Variants in C9orf72 observed in about 807,000 individuals in gnomAD.
C9orf72 encodes the protein guanine nucleotide exchange factor C9orf72.
C9orf72 carries 44 observed loss-of-function variants against 51.6 expected under a neutral mutation model. The ratio of observed to expected loss-of-function variants is 0.85; its 90% CI spans 0.67 to 1.10. C9orf72 has a LOEUF of 1.10. C9orf72 is among the 50% of genes least tolerant of loss of function. The probability of loss-of-function intolerance (pLI) is 0.00; values close to 1 mark genes in which losing one functional copy is unlikely to be tolerated. For synonymous variants in C9orf72, 213 were observed against 194.2 expected, an observed-to-expected ratio of 1.10 and a Z score of -0.81; for missense variants, 607 against 570.6, an observed-to-expected ratio of 1.06 and a Z score of -0.65.
At chr9:27,572,364 G>A (rs563356920) in intron 1 of C9orf72, among the ~76,000 whole-genome samples, 29 of 152,168 alleles carry the variant, frequency 1.9e-4, no homozygotes, top group African/African-American at 5.5e-4. Context: ...CTGACTCCAG[G>A]TTATTAATAT....
chr9:27,548,308 G>A lies in C9orf72; in HGVS notation c.1374C>T (p.Gly458=). The A allele has an allele frequency of 6.2e-7, 1 of 1,612,590 alleles. No homozygotes were observed. Among genetic ancestry groups the A allele is most frequent in the Non-Finnish European group, 8.5e-7 (1 of 1,179,118 alleles). ...GTCTTCCAAAGATAAAAGAGTGTAGGCCTGGTTTAATTTTCTCAGCCAGAG... is the reference window on the plus strand; with the variant it reads ...GTCTTCCAAAGATAAAAGAGTGTAGACCTGGTTTAATTTTCTCAGCCAGAG... ...IMALAEKIKP[G]LHSFIFGRPF... Residue 458 remains glycine, a synonymous_variant, in exon 11 of 11, where the codon GGC becomes GGT. Coordinates refer to ENST00000380003, the MANE Select transcript of C9orf72 (RefSeq NM_018325.5).
At chr9:27,558,759 C>T (rs1001825362) in intron 6 of C9orf72, 152 bp from the exon 7 acceptor site, 2 of 516,470 alleles carry the variant, frequency 3.9e-6, no homozygotes, top group African/African-American at 4.0e-5. Flanking sequence ...TGGGATGTAA[C>T]AGTTGTTGCT....
At chr9:27,572,963 T>C (rs1819620725) in intron 1 of C9orf72, among the ~76,000 whole-genome samples, 1 of 152,156 alleles carries the variant, frequency 6.6e-6, no homozygotes. Flanking sequence ...CACCCCCATC[T>C]CATCCCGCAT....
intron 9 of C9orf72, among the ~76,000 whole-genome samples, chr9:27,548,906 G>A (rs1820843682): frequency 6.6e-6 from 1 of 151,288 alleles, no homozygotes; most frequent in Non-Finnish European, 1.5e-5. Context: ...GTGCAGTGGC[G>A]CGATCTTGAC....
rs965154707 is a variant in C9orf72 at position 27,565,538 on chromosome 9, T to C, written c.497A>G (p.Glu166Gly). The C allele has an allele frequency of 1.2e-6, 2 of 1,600,058 alleles. No individual in the cohort carries two copies. Among genetic ancestry groups the C allele is most frequent in the Non-Finnish European group, 1.7e-6 (2 of 1,169,102 alleles). ...KIILEGTERM[E>G]DQGQSIIPML... ...TATGCAATTTGCATATACCTGATCT[T>C]CCATTCTCTCTGTGCCTTCTAAGAT... Residue 166 changes from glutamate to glycine, a missense_variant, in exon 3 of 11, where the codon GAA becomes GGA. Physicochemically the swap from Glu to Gly is moderately conservative, Grantham distance 98. Transcript: ENST00000380003.
chr9:27,566,860 C>T lies in C9orf72; in HGVS notation c.261G>A (p.Leu87=), dbSNP rs748399586. The T allele has an allele frequency of 1.9e-6, 3 of 1,613,954 alleles. No homozygotes were observed. Among genetic ancestry groups the T allele is most frequent in the Admixed American group, 1.7e-5 (1 of 59,986 alleles). The stretch of plus-strand genomic sequence containing the variant: ...AAACAATAATCACTCCCTTTTCAGA[C>T]AAGACAAAAAACTTTACATCTATAG... ...SGAIDVKFFV[L]SEKGVIIVSL... The change falls in exon 2 of 11, where the codon TTG becomes TTA. Residue 87 remains leucine (L), a synonymous_variant. Transcript: ENST00000380003.
chr9:27,558,462 G>A, intron 7 of C9orf72, 29 bp downstream of exon 7: 1 of 1,213,238 alleles, frequency 8.2e-7, no homozygotes, highest in Non-Finnish European at 1.2e-6. Flanking sequence ...TAGAAAAGTG[G>A]TTTCACTTGT....
At chr9:27,562,527 G>T in intron 3 of C9orf72, 51 bp from the exon 4 acceptor site, 2 of 872,034 alleles carry the variant, frequency 2.3e-6, no homozygotes, top group Non-Finnish European at 3.5e-6. Flanking sequence ...TATGAGAGAA[G>T]CTGGGCAATA....
chr9:27,563,224 C>T (rs1819392639), intron 3 of C9orf72, among the ~76,000 whole-genome samples: 1 of 151,786 alleles, frequency 6.6e-6, no homozygotes, highest in Non-Finnish European at 1.5e-5. Flanking sequence ...ATCAATAAAA[C>T]AGAAAAATTC....
rs752188561 is a variant in C9orf72 at position 27,566,659 on chromosome 9, A to G, written c.444+18T>C. 5 of 1,535,642 alleles carry G rather than the reference A, an allele frequency of 3.3e-6. No homozygotes were observed. The East Asian group carries it at 9.1e-5, about 28-fold the overall frequency. ...AACAGATAGGTTAACATGATTAATAAGCTGAAAAATCACTTACCTTATGCA... is the reference window on the plus strand; with the variant it reads ...AACAGATAGGTTAACATGATTAATAGGCTGAAAAATCACTTACCTTATGCA... On this transcript the variant is annotated intron_variant, in intron 2 of 10. Coordinates refer to ENST00000380003, the MANE Select transcript of C9orf72 (RefSeq NM_018325.5).
At chr9:27,554,746 T>A in intron 8 of C9orf72, 1 of 395,464 alleles carries the variant, frequency 2.5e-6, no homozygotes, top group Non-Finnish European at 4.5e-6. Flanking sequence ...TAAAAACATA[T>A]ACTTAAAAGT....
chr9:27,548,577 T>G lies in C9orf72; in HGVS notation c.1239A>C (p.Ile413=), dbSNP rs750942348. The change falls in exon 10 of 11, where the codon ATA becomes ATC. Residue 413 remains isoleucine (I), a synonymous_variant. Transcript: ENST00000380003. ...LVLHRKALTL[I]KYIEDDTQKG... is the part of the protein sequence containing the mutation. ...CTCACGTATCGTCTTCTATATATTT[T>G]ATTAGTGTCAAGGCTTTTCTGTGAA... is the stretch of plus-strand genomic sequence containing the variant. 3.1e-6 allele frequency: 5 copies of G among 1,599,156 alleles called. No homozygotes were observed. Among genetic ancestry groups the G allele is most frequent in the Non-Finnish European group, 4.3e-6 (5 of 1,166,454 alleles).
intron 3 of C9orf72, 93 bp from the exon 4 acceptor site, chr9:27,562,569 C>A (rs912424731): frequency 3.7e-6 from 2 of 539,706 alleles, no homozygotes; most frequent in African/African-American, 3.9e-5. Context: ...CAATAACATT[C>A]TTTGATGAAA....
At chr9:27,552,123 T>C (rs980352903) in intron 8 of C9orf72, among the ~76,000 whole-genome samples, 1 of 152,194 alleles carries the variant, frequency 6.6e-6, no homozygotes, top group Non-Finnish European at 1.5e-5. Flanking sequence ...TCTCTTCCTA[T>C]CTGAATGTCT....
Position 27,558,408 on chromosome 9 carries a change from G to C in C9orf72, c.855+83C>G, listed in dbSNP as rs560031223. ...CATGTCAATATGAGATACATTAAAT[G>C]CTAATATTTAAGATTTGTCTATAAA... On this transcript the variant is annotated intron_variant, in intron 7 of 10. Transcript: ENST00000380003. 1.2e-5 allele frequency: 9 copies of C among 774,184 alleles called. No homozygotes were observed. In the African/African-American group the frequency reaches 1.4e-4, roughly 12 times the overall value. 48.0% of individuals were successfully genotyped at this position (774,184 alleles called of 1,614,324 possible).
rs770353129 is a variant in C9orf72, at chr9:27,556,611, G to GTCT, written c.1038_1040dup (p.Glu346dup). 1 of 1,613,538 alleles carries GTCT rather than the reference G, an allele frequency of 6.2e-7. No homozygotes were observed. Among genetic ancestry groups the GTCT allele is most frequent in the Non-Finnish European group, 8.5e-7 (1 of 1,179,746 alleles). ...TGTAGATGATCGTATCCTGAGCCAT[G>GTCT]TCTTCTTCTGAAGTGGCTCTCCAGA... On this transcript the variant is annotated inframe_insertion, in exon 8 of 11. Coordinates refer to ENST00000380003, the MANE Select transcript of C9orf72 (RefSeq NM_018325.5).
At position 27,556,655 on chromosome 9, in the gene C9orf72, T is replaced by C. The variant is rs1450667648; in HGVS notation, c.997A>G (p.Arg333Gly). Residue 333 changes from arginine to glycine, a missense_variant, in exon 8 of 11, where the codon AGA becomes GGA. Transcript: ENST00000380003. ...EHIYNQRRYM[R>G]SELTAFWRAT... The stretch of plus-strand genomic sequence containing the variant: ...CTCCAGAAGGCTGTCAGCTCGGATC[T>C]CATGTATCTACGCTGATTATAAATA... The C allele has an allele frequency of 1.9e-6, 3 of 1,613,822 alleles. No homozygotes were observed. In the South Asian group the frequency reaches 3.3e-5, roughly 18 times the overall value.
intron 7 of C9orf72, among the ~76,000 whole-genome samples, chr9:27,557,745 G>A (rs1819239615): frequency 6.6e-6 from 1 of 151,964 alleles, no homozygotes; most frequent in African/African-American, 2.4e-5. Context: ...CTATCATTCT[G>A]AGTTCATAGC....
At position 27,547,972 on chromosome 9, in the gene C9orf72, T is replaced by A; in HGVS notation, c.*264A>T. ...CAAGTTTACATCCTATTATTATATC[T>A]TTAAAAGATAGCAATAATATTTATT... On this transcript the variant is annotated 3_prime_UTR_variant, in exon 11 of 11. Coordinates refer to ENST00000380003, the MANE Select transcript of C9orf72 (RefSeq NM_018325.5). 4.0e-6 allele frequency: 1 copy of A among 246,946 alleles called. No individual in the cohort carries two copies. The highest frequency in any genetic ancestry group is 7.5e-5 in the East Asian group (1 of 13,386). 15.3% of individuals were successfully genotyped at this position (246,946 alleles called of 1,614,324 possible). A position where few individuals can be genotyped will look rare whatever the true frequency, so the allele number is the denominator to read the frequency against.
Sources: allele counts gnomAD v4.1 joint callset (sites outside exome capture counted in the v4.1 genomes callset), GRCh38; gene constraint gnomAD v4.1.1; transcripts MANE v1.5; gene names NCBI Gene and HGNC (gene_info 2026-07-23, HGNC 2026-07-21).